Variants in KAT2B observed in about 807,000 individuals in gnomAD.
The protein encoded by KAT2B is histone acetyltransferase KAT2B.
Under a neutral mutation model 105.9 loss-of-function variants are expected in KAT2B, and 36 were observed. That is an observed-to-expected ratio of 0.34 (90% CI 0.26 to 0.45). The LOEUF is 0.45. Ranked by LOEUF, KAT2B falls within the 20% of genes least tolerant of loss-of-function variation. KAT2B has a pLI of 1.00. For synonymous variants in KAT2B, 397 were observed against 377.9 expected (o/e 1.05, Z -0.59); for missense variants, 820 against 1,021.6 (o/e 0.80, Z 2.69).
At chr3:20,130,922 G>A (rs569419034) in intron 11 of KAT2B, among the ~76,000 whole-genome samples, 6 of 151,328 alleles carry the variant, frequency 4.0e-5, no homozygotes, top group Middle Eastern at 3.4e-3. Flanking sequence ...GTGTGCATGC[G>A]TGCGTGTGTG....
intron 1 of KAT2B, among the ~76,000 whole-genome samples, chr3:20,062,126 A>ATAT (rs1559514124): frequency 1.3e-5 from 1 of 76,262 alleles, no homozygotes; most frequent in African/African-American, 6.0e-5. Flanking sequence ...TAAAACATAT[A>ATAT]TATATAAAAT....
chr3:20,138,188 T>C (rs1699635429), intron 12 of KAT2B, among the ~76,000 whole-genome samples: 1 of 152,240 alleles, frequency 6.6e-6, no homozygotes, highest in African/African-American at 2.4e-5. Context: ...AATTTACTGT[T>C]AATGCTTTGA....
At chr3:20,092,312 T>C (rs1324652927) in intron 2 of KAT2B, among the ~76,000 whole-genome samples, 3 of 151,788 alleles carry the variant, frequency 2.0e-5, no homozygotes, top group Non-Finnish European at 4.4e-5. Flanking sequence ...CACTGCAGCC[T>C]CCACCTCACA....
intron 1 of KAT2B, among the ~76,000 whole-genome samples, chr3:20,060,059 G>A (rs1430478170): frequency 6.6e-6 from 1 of 152,300 alleles, no homozygotes; most frequent in South Asian, 2.1e-4. Context: ...GCATATGTCA[G>A]CACTTCTTTA....
chr3:20,090,992 T>A (rs1274363993), intron 2 of KAT2B, among the ~76,000 whole-genome samples: 1 of 152,184 alleles, frequency 6.6e-6, no homozygotes, highest in Non-Finnish European at 1.5e-5. Context: ...GCTTAAGCAT[T>A]TCTCCTACCT....
In KAT2B at chr3:20,053,551, C is replaced by CA. The variant is rs1238520427; in HGVS notation, c.303+12778dup. ...CCCTGTCTCAAAAAACAAGACAAAA[C>CA]AAAAAAACTCAGGAAGGTATATGAG... On this transcript the variant is annotated intron_variant, in intron 1 of 17. Coordinates refer to ENST00000263754, the MANE Select transcript of KAT2B (RefSeq NM_003884.5). 2.6e-5 allele frequency among the ~76,000 whole-genome samples: 4 copies of CA among 151,636 alleles called. No individual in the cohort carries two copies. The East Asian group carries it at 5.8e-4, about 22-fold the overall frequency.
chr3:20,103,700 T>G (rs1698949455), intron 5 of KAT2B, among the ~76,000 whole-genome samples: 1 of 152,226 alleles, frequency 6.6e-6, no homozygotes, highest in African/African-American at 2.4e-5. Flanking sequence ...TGAGTCACTG[T>G]GCCCAGCTAT....
intron 2 of KAT2B, among the ~76,000 whole-genome samples, chr3:20,088,015 C>G (rs1324090091): frequency 6.6e-6 from 1 of 152,074 alleles, no homozygotes; most frequent in East Asian, 1.9e-4. Context: ...TGGGCTCAAG[C>G]AGTCCTCCTA....
chr3:20,062,378 T>G (rs1418907463), intron 1 of KAT2B, among the ~76,000 whole-genome samples: 1 of 82,816 alleles, frequency 1.2e-5, no homozygotes, highest in South Asian at 2.8e-4. Context: ...TTATAATATA[T>G]TATATATAAC....
At chr3:20,083,037 G>A (rs1341714148) in intron 2 of KAT2B, among the ~76,000 whole-genome samples, 3 of 152,162 alleles carry the variant, frequency 2.0e-5, no homozygotes, top group East Asian at 1.9e-4. Context: ...TTAAATTACC[G>A]AGGATGGTTC....
chr3:20,074,303 G>A (rs1043357810), intron 2 of KAT2B, among the ~76,000 whole-genome samples: 2 of 152,130 alleles, frequency 1.3e-5, no homozygotes, highest in Non-Finnish European at 2.9e-5. Flanking sequence ...CTTGATAGGA[G>A]GTTTTATAAT....
chr3:20,113,363 G>A (rs1314212138), intron 6 of KAT2B, among the ~76,000 whole-genome samples: 1 of 152,150 alleles, frequency 6.6e-6, no homozygotes, highest in Non-Finnish European at 1.5e-5. Flanking sequence ...CCCAACACCT[G>A]TTATGGTATT....
At chr3:20,106,438 T>TACACACACACACACACAC (rs10554524) in intron 5 of KAT2B, among the ~76,000 whole-genome samples, 1 of 145,614 alleles carries the variant, frequency 6.9e-6, no homozygotes, top group African/African-American at 2.5e-5. Context: ...ACACCAGAAG[T>TACACACACACACACACAC]ACACACACAC....
At chr3:20,064,380 T>A (rs1698190225) in intron 1 of KAT2B, among the ~76,000 whole-genome samples, 1 of 152,216 alleles carries the variant, frequency 6.6e-6, no homozygotes, top group Non-Finnish European at 1.5e-5. Context: ...TGTAGCTATT[T>A]TGTAATATGC....
In KAT2B at chr3:20,122,664, A is replaced by G. The variant is rs114528005; in HGVS notation, c.1277-4A>G. 2.4e-4 allele frequency: 387 copies of G among 1,612,200 alleles called. No homozygotes were observed. Among genetic ancestry groups the G allele is most frequent in the Non-Finnish European group, 3.1e-4 (365 of 1,178,726 alleles). On this transcript the variant is annotated splice_polypyrimidine_tract_variant and splice_region_variant and intron_variant, in intron 8 of 17. Transcript: ENST00000263754. ...TTGTTTGCCTTTTATTTTGATCATC[A>G]TAGGAGAAAAGAGGAAAATGACTGA...
rs1024755813 is a variant in KAT2B at position 20,082,854 on chromosome 3, G to A, written c.430+10395G>A. Among the ~76,000 whole-genome samples, 24 of 152,104 alleles carry A rather than the reference G, an allele frequency of 1.6e-4. 1 individual carries two copies. Among genetic ancestry groups the A allele is most frequent in the Non-Finnish European group, 3.5e-4 (24 of 68,024 alleles). The stretch of plus-strand genomic sequence containing the variant: ...AGGTAGTACATAAGGTTTATTCAAG[G>A]TGGTAAGAAAAAGACTAACATCTTA... On this transcript the variant is annotated intron_variant, in intron 2 of 17. Transcript: ENST00000263754.
chr3:20,086,745 C>G (rs1698623349), intron 2 of KAT2B, among the ~76,000 whole-genome samples: 1 of 152,042 alleles, frequency 6.6e-6, no homozygotes, highest in Non-Finnish European at 1.5e-5. Context: ...ATTTTAAGCC[C>G]TTTAAACTGT....
intron 13 of KAT2B, among the ~76,000 whole-genome samples, chr3:20,143,951 A>G (rs2125194706): frequency 6.6e-6 from 1 of 152,332 alleles, no homozygotes; most frequent in South Asian, 2.1e-4. Context: ...CTACTTGGGC[A>G]GTGAGATCAT....
At chr3:20,141,968 G>T (rs80045752) in intron 13 of KAT2B, among the ~76,000 whole-genome samples, 2,185 of 152,228 alleles carry the variant, frequency 0.014, 22 homozygotes, top group Middle Eastern at 0.024. Context: ...TAATGAGCAG[G>T]TCTGGATTCA....
Sources: allele counts gnomAD v4.1 joint callset (sites outside exome capture counted in the v4.1 genomes callset), GRCh38; gene constraint gnomAD v4.1.1; transcripts MANE v1.5; gene names NCBI Gene and HGNC (gene_info 2026-07-23, HGNC 2026-07-21).